Variants in PIP5K1B observed in about 807,000 individuals in gnomAD.
The protein encoded by PIP5K1B is phosphatidylinositol-4-phosphate 5-kinase type 1 beta, also known as phosphatidylinositol 4-phosphate 5-kinase type-1 beta.
A neutral mutation model predicts 67.0 loss-of-function variants in PIP5K1B; 42 were observed. The ratio of observed to expected loss-of-function variants is 0.63; its 90% CI spans 0.49 to 0.81. The LOEUF is 0.81. Among genes scored for constraint, PIP5K1B ranks in the 30% least tolerant of loss-of-function variants. PIP5K1B has a pLI of 0.00. For synonymous variants in PIP5K1B, 214 were observed against 231.4 expected (o/e 0.92, Z 0.68); for missense variants, 459 against 646.3 (o/e 0.71, Z 3.14).
At chr9:68,994,665 CCAGAAATGATCCCTA>C (rs1830529148) in intron 15 of PIP5K1B, among the ~76,000 whole-genome samples, 1 of 152,096 alleles carries the variant, frequency 6.6e-6, no homozygotes, top group Non-Finnish European at 1.5e-5. Flanking sequence ...TCATGGACCC[CCAGAAATGATCCCTA>C]CAGAGTTTTT....
At chr9:68,879,569 AAAAAAT>A (rs1276694637) in intron 6 of PIP5K1B, among the ~76,000 whole-genome samples, 1 of 152,284 alleles carries the variant, frequency 6.6e-6, no homozygotes, top group Non-Finnish European at 1.5e-5. Context: ...CTCCATCTCA[AAAAAAT>A]AAAAATAAAA....
At chr9:68,957,764 C>G (rs745583067) in intron 14 of PIP5K1B, among the ~76,000 whole-genome samples, 4 of 152,176 alleles carry the variant, frequency 2.6e-5, no homozygotes, top group African/African-American at 4.8e-5. Context: ...TGGGGTCTTA[C>G]AGCCTACTAC....
chr9:68,987,153 AAG>A (rs1329672244), intron 14 of PIP5K1B, among the ~76,000 whole-genome samples: 1 of 152,166 alleles, frequency 6.6e-6, no homozygotes, highest in Non-Finnish European at 1.5e-5. Context: ...TCAGGAGGCT[AAG>A]AGAGGAGAAT....
At chr9:68,752,806 T>A (rs1829701478) in intron 2 of PIP5K1B, among the ~76,000 whole-genome samples, 1 of 152,220 alleles carries the variant, frequency 6.6e-6, no homozygotes, top group Non-Finnish European at 1.5e-5. Context: ...AAATTTTAAC[T>A]CTCTTTCTGC....
intron 14 of PIP5K1B, among the ~76,000 whole-genome samples, chr9:68,988,812 A>G (rs557603824): frequency 6.6e-6 from 1 of 150,534 alleles, no homozygotes; most frequent in East Asian, 2.1e-4. Context: ...GATCTACACA[A>G]TTTGTTGCGC....
intron 14 of PIP5K1B, among the ~76,000 whole-genome samples, chr9:68,946,596 G>A (rs1258084712): frequency 3.3e-5 from 5 of 151,734 alleles, no homozygotes; most frequent in Non-Finnish European, 2.9e-5. Context: ...GGGTTTCAAC[G>A]TGTTAGCCAG....
intron 6 of PIP5K1B, among the ~76,000 whole-genome samples, chr9:68,886,178 G>GA (rs879609239): frequency 5.8e-4 from 81 of 139,980 alleles, no homozygotes; most frequent in East Asian, 1.6e-3. Flanking sequence ...GACTCCGTCT[G>GA]AAAAAAAAAA....
intron 14 of PIP5K1B, among the ~76,000 whole-genome samples, chr9:68,978,081 A>G (rs527474476): frequency 3.9e-5 from 6 of 152,332 alleles, no homozygotes; most frequent in African/African-American, 1.2e-4. Flanking sequence ...TACATTGTAA[A>G]ATGATTACCA....
intron 4 of PIP5K1B, chr9:68,824,261 A>G: frequency 1.9e-6 from 1 of 518,768 alleles, no homozygotes; most frequent in South Asian, 1.4e-5. Flanking sequence ...ATTCTTGACC[A>G]AATTCTGACT....
intron 2 of PIP5K1B, among the ~76,000 whole-genome samples, chr9:68,769,085 C>G (rs1830565237): frequency 6.6e-6 from 1 of 152,196 alleles, no homozygotes; most frequent in Admixed American, 6.5e-5. Context: ...TAATGCATCC[C>G]TATTTCCCCG....
intron 5 of PIP5K1B, among the ~76,000 whole-genome samples, chr9:68,867,378 A>G (rs1032753536): frequency 2.0e-5 from 3 of 152,220 alleles, no homozygotes; most frequent in Admixed American, 6.5e-5. Flanking sequence ...TTTACAGTAA[A>G]CAGAAGAAAC....
rs933602187 is a variant in PIP5K1B, at chr9:69,001,077, A to AT, written c.1621-7360dup. Among the ~76,000 whole-genome samples the AT allele has an allele frequency of 2.4e-3, 351 of 146,946 alleles. 1 individual carries two copies. The highest frequency in any genetic ancestry group is 7.8e-3 in the African/African-American group (312 of 40,022). On this transcript the variant is annotated intron_variant, in intron 15 of 15. Transcript: ENST00000265382. ...CCACACCCGGCTAATTTTTATTTTTATTTTTTTTTTGTAATGACAGGGTTT... is the reference window on the plus strand; with the variant it reads ...CCACACCCGGCTAATTTTTATTTTTATTTTTTTTTTTGTAATGACAGGGTTT...
At chr9:68,708,517 C>T (rs1318384542) in intron 1 of PIP5K1B, among the ~76,000 whole-genome samples, 1 of 148,990 alleles carries the variant, frequency 6.7e-6, no homozygotes, top group Non-Finnish European at 1.5e-5. Context: ...CTCATGTCAT[C>T]TATGTTATGC....
chr9:68,753,660 G>C (rs1192328972), intron 2 of PIP5K1B, among the ~76,000 whole-genome samples: 2 of 151,710 alleles, frequency 1.3e-5, no homozygotes, highest in Non-Finnish European at 2.9e-5. Context: ...GAGTAGCTGG[G>C]ACTCCAGGCG....
intron 1 of PIP5K1B, among the ~76,000 whole-genome samples, chr9:68,712,359 T>A (rs1463203509): frequency 2.0e-5 from 3 of 152,222 alleles, no homozygotes; most frequent in Non-Finnish European, 4.4e-5. Flanking sequence ...CCTCTTTTCT[T>A]TATGAATTAT....
intron 13 of PIP5K1B, among the ~76,000 whole-genome samples, chr9:68,937,933 G>A (rs1827351795): frequency 6.6e-6 from 1 of 152,200 alleles, no homozygotes; most frequent in Non-Finnish European, 1.5e-5. Flanking sequence ...TCTTAATCCT[G>A]AGTTCTAATT....
intron 15 of PIP5K1B, among the ~76,000 whole-genome samples, chr9:68,992,637 C>G (rs949826944): frequency 2.0e-5 from 3 of 151,098 alleles, no homozygotes; most frequent in African/African-American, 7.3e-5. Context: ...GTCAGGAGTT[C>G]GAGACCAGCC....
At chr9:68,889,262 A>T in intron 7 of PIP5K1B, 129 bp downstream of exon 7, 1 of 676,356 alleles carries the variant, frequency 1.5e-6, no homozygotes, top group Non-Finnish European at 2.5e-6. Flanking sequence ...TTCTGCATTT[A>T]AATTATGCTA....
intron 14 of PIP5K1B, among the ~76,000 whole-genome samples, chr9:68,974,652 G>A (rs2132850305): frequency 6.6e-6 from 1 of 152,274 alleles, no homozygotes. Flanking sequence ...TAATTCGTTT[G>A]GTGTCAGCCT....
Sources: allele counts gnomAD v4.1 joint callset (sites outside exome capture counted in the v4.1 genomes callset), GRCh38; gene constraint gnomAD v4.1.1; transcripts MANE v1.5; gene names NCBI Gene and HGNC (gene_info 2026-07-23, HGNC 2026-07-21).